PLCXD3: variants seen among roughly 807,000 people sequenced by gnomAD.
PLCXD3 encodes the protein phosphatidylinositol specific phospholipase C X domain containing 3.
PLCXD3 carries 19 observed loss-of-function variants against 25.5 expected under a neutral mutation model. The ratio of observed to expected loss-of-function variants is 0.75; its 90% CI spans 0.52 to 1.09. PLCXD3 has a LOEUF of 1.09. PLCXD3 is among the 50% of genes least tolerant of loss of function. The pLI, the probability that PLCXD3 is intolerant of heterozygous loss-of-function variation, is 0.00. For synonymous variants in PLCXD3, 174 were observed against 137.6 expected (o/e 1.26, Z -1.85); for missense variants, 411 against 388.1 (o/e 1.06, Z -0.50).
intron 1 of PLCXD3, among the ~76,000 whole-genome samples, chr5:41,432,769 G>T (rs1747148350): frequency 6.6e-6 from 1 of 152,178 alleles, no homozygotes; most frequent in Non-Finnish European, 1.5e-5. Context: ...AGAAAAAAGT[G>T]AGGTCAACCA....
chr5:41,359,605 T>G (rs1270988066), intron 2 of PLCXD3, among the ~76,000 whole-genome samples: 1 of 152,206 alleles, frequency 6.6e-6, no homozygotes, highest in Non-Finnish European at 1.5e-5. Flanking sequence ...TTATTTGGAT[T>G]TTCTCTCTTC....
Position 41,382,173 on chromosome 5 carries a change from A to G in PLCXD3, c.465T>C (p.His155=). The change falls in exon 2 of 3, where the codon CAT becomes CAC. Residue 155 remains histidine, a synonymous_variant. Coordinates refer to ENST00000377801, the MANE Select transcript of PLCXD3 (RefSeq NM_001005473.3). ...CTTTCAGCATTTGGACCAGTTTTTC[A>G]TGGTGATATTTCTGCATCCCATAAA... is the stretch of plus-strand genomic sequence containing the variant. ...NHFYGMQKYH[H]EKLVQMLKDI... 6.2e-7 allele frequency: 1 copy of G among 1,613,636 alleles called. No individual in the cohort carries two copies. The highest frequency in any genetic ancestry group is 8.5e-7 in the Non-Finnish European group (1 of 1,179,764).
chr5:41,487,991 T>C (rs1580397803), intron 1 of PLCXD3, among the ~76,000 whole-genome samples: 2 of 151,632 alleles, frequency 1.3e-5, no homozygotes, highest in African/African-American at 4.9e-5. Context: ...TATGTATACA[T>C]GTGGCATGCT....
chr5:41,424,341 C>T (rs551324241), intron 1 of PLCXD3, among the ~76,000 whole-genome samples: 48 of 152,188 alleles, frequency 3.2e-4, no homozygotes, highest in African/African-American at 1.1e-3. Flanking sequence ...GTCAGGAGTT[C>T]GAGACCAGCC....
rs150731336 is a variant in PLCXD3, at chr5:41,461,796, T to G, written c.103+48628A>C. Among the ~76,000 whole-genome samples, 4 of 152,072 alleles carry G rather than the reference T, an allele frequency of 2.6e-5. No homozygotes were observed. In the East Asian group the frequency reaches 7.8e-4, roughly 30 times the overall value. On this transcript the variant is annotated intron_variant, in intron 1 of 2. Transcript: ENST00000377801. ...TATCACGGTCAGAACTCAATCAGACTCTGCGTTGACACCTCAGCCCCCTCA... is the reference window on the plus strand; with the variant it reads ...TATCACGGTCAGAACTCAATCAGACGCTGCGTTGACACCTCAGCCCCCTCA...
At chr5:41,502,068 A>G (rs949248578) in intron 1 of PLCXD3, among the ~76,000 whole-genome samples, 3 of 152,120 alleles carry the variant, frequency 2.0e-5, no homozygotes, top group African/African-American at 7.2e-5. Context: ...ATGATCCCAT[A>G]GAGGTGGAGA....
chr5:41,379,674 G>C (rs942228874), intron 2 of PLCXD3, among the ~76,000 whole-genome samples: 1 of 152,022 alleles, frequency 6.6e-6, no homozygotes, highest in African/African-American at 2.4e-5. Flanking sequence ...CTAAAATTTG[G>C]TTTTAAATTA....
At chr5:41,427,842 C>T (rs1746998658) in intron 1 of PLCXD3, among the ~76,000 whole-genome samples, 1 of 152,158 alleles carries the variant, frequency 6.6e-6, no homozygotes, top group African/African-American at 2.4e-5. Context: ...TGAAGCACCA[C>T]TAGCAAGAAT....
rs1746657928 is a variant in PLCXD3 at position 41,414,900 on chromosome 5, ACT to A, written c.104-32368_104-32367del. On this transcript the variant is annotated intron_variant, in intron 1 of 2. Coordinates refer to ENST00000377801, the MANE Select transcript of PLCXD3 (RefSeq NM_001005473.3). ...GTGTCACTGGGCTTGTGTTTAAATA[ACT>A]CTTATTTTATGCGATAATGGCCTGA... Among the ~76,000 whole-genome samples, 3 of 152,062 alleles carry A rather than the reference ACT, an allele frequency of 2.0e-5. No homozygotes were observed. The South Asian group carries it at 6.2e-4, about 32-fold the overall frequency.
At chr5:41,316,012 G>A (rs973702542) in intron 2 of PLCXD3, among the ~76,000 whole-genome samples, 20 of 152,204 alleles carry the variant, frequency 1.3e-4, no homozygotes, top group Non-Finnish European at 1.9e-4. Flanking sequence ...ACTCCATACT[G>A]AGACATCAGC....
At chr5:41,313,805 G>A (rs551474606) in intron 2 of PLCXD3, 35 bp from the exon 3 acceptor site, 1 of 1,534,468 alleles carries the variant, frequency 6.5e-7, no homozygotes, top group East Asian at 2.3e-5. Flanking sequence ...GTCACAGAAG[G>A]CAAGATACTA....
At chr5:41,491,353 A>C (rs1285657790) in intron 1 of PLCXD3, among the ~76,000 whole-genome samples, 1 of 152,184 alleles carries the variant, frequency 6.6e-6, no homozygotes, top group Non-Finnish European at 1.5e-5. Flanking sequence ...TTTACTTCCA[A>C]CTATATGGTC....
At chr5:41,465,686 C>T (rs1283242268) in intron 1 of PLCXD3, among the ~76,000 whole-genome samples, 1 of 151,894 alleles carries the variant, frequency 6.6e-6, no homozygotes, top group Non-Finnish European at 1.5e-5. Flanking sequence ...TAAGATGATG[C>T]TCTAAGCAGG....
At chr5:41,415,870 G>T (rs1746679740) in intron 1 of PLCXD3, among the ~76,000 whole-genome samples, 1 of 152,108 alleles carries the variant, frequency 6.6e-6, no homozygotes, top group Non-Finnish European at 1.5e-5. Context: ...TTCAAGGAGA[G>T]TTTATAATGG....
intron 1 of PLCXD3, among the ~76,000 whole-genome samples, chr5:41,492,161 C>T (rs1341268554): frequency 2.7e-5 from 4 of 150,572 alleles, no homozygotes; most frequent in Non-Finnish European, 4.4e-5. Flanking sequence ...ATTTGCTTGT[C>T]TGTAAAGTAT....
chr5:41,364,458 C>T (rs9784743), intron 2 of PLCXD3, among the ~76,000 whole-genome samples: 14 of 152,094 alleles, frequency 9.2e-5, no homozygotes, highest in Non-Finnish European at 1.5e-4. Flanking sequence ...GCCTTAGATT[C>T]CTTCACCAAA....
intron 2 of PLCXD3, among the ~76,000 whole-genome samples, chr5:41,372,687 G>A (rs373578527): frequency 6.6e-6 from 1 of 151,888 alleles, no homozygotes; most frequent in Non-Finnish European, 1.5e-5. Context: ...ATTAAATCTT[G>A]AGCCCCGCCA....
At chr5:41,408,338 T>C (rs1746412351) in intron 1 of PLCXD3, among the ~76,000 whole-genome samples, 1 of 152,206 alleles carries the variant, frequency 6.6e-6, no homozygotes, top group Non-Finnish European at 1.5e-5. Flanking sequence ...TTGCCTTCTT[T>C]CCTGAGCCCT....
At chr5:41,397,722 T>C (rs914205554) in intron 1 of PLCXD3, among the ~76,000 whole-genome samples, 7 of 152,124 alleles carry the variant, frequency 4.6e-5, no homozygotes, top group Non-Finnish European at 1.0e-4. Context: ...AAAGCAGCCA[T>C]GGGGGCTGTA....
Sources: gnomAD v4.1 joint callset for allele counts (sites outside exome capture counted in the v4.1 genomes callset) on GRCh38, gnomAD v4.1.1 for gene constraint, MANE v1.5 for transcripts, NCBI Gene and HGNC (gene_info 2026-07-23, HGNC 2026-07-21) for gene names.